Variants in CHRNB3 observed in about 807,000 individuals in gnomAD.
The protein encoded by CHRNB3 is cholinergic receptor nicotinic beta 3 subunit.
CHRNB3 carries 37 observed loss-of-function variants against 40.6 expected under a neutral mutation model. That is an observed-to-expected ratio of 0.91 (90% CI 0.70 to 1.20). The LOEUF (loss-of-function observed/expected upper bound fraction) is 1.20, where lower values mean the gene tolerates loss of function less well. Ranked by LOEUF, CHRNB3 falls within the 50% of genes most tolerant of loss-of-function variation. CHRNB3 has a pLI of 0.00. For missense variants in CHRNB3, 505 were observed against 551.2 expected (o/e 0.92, Z 0.84); for synonymous variants, 207 against 207.1 (o/e 1.00, Z 0.00).
intron 1 of CHRNB3, among the ~76,000 whole-genome samples, chr8:42,703,459 T>TATATATATATATATATATAC (rs1815862385): frequency 8.0e-6 from 1 of 125,500 alleles, no homozygotes; most frequent in Non-Finnish European, 1.8e-5. Flanking sequence ...TATATATATA[T>TATATATATATATATATATAC]ATGTATCCAC....
chr8:42,728,552 A>G (rs1242684647), intron 3 of CHRNB3, among the ~76,000 whole-genome samples: 2 of 152,100 alleles, frequency 1.3e-5, no homozygotes, highest in Non-Finnish European at 2.9e-5. Context: ...AAAACAAAAC[A>G]AAAAACAAAC....
intron 3 of CHRNB3, among the ~76,000 whole-genome samples, chr8:42,725,199 C>T: frequency 6.7e-6 from 1 of 150,030 alleles, no homozygotes. Flanking sequence ...TAGCAATTCT[C>T]CTGCCTCAGC....
intron 1 of CHRNB3, among the ~76,000 whole-genome samples, chr8:42,701,154 G>A (rs1204167301): frequency 6.7e-6 from 1 of 149,168 alleles, no homozygotes; most frequent in African/African-American, 2.4e-5. Context: ...CTTGAACCAG[G>A]GAGTCGGAGG....
In CHRNB3 at chr8:42,710,374, A is replaced by AT. The variant is rs749986594; in HGVS notation, c.205-12dup. 6.3e-7 allele frequency: 1 copy of AT among 1,583,724 alleles called. No individual in the cohort carries two copies. Reference sequence around the variant, plus strand: ...CACTTCAACTTACAGTATTTTTTAAATTTTCATTTTCTTAGGATGAAAAGA... The same window carrying AT: ...CACTTCAACTTACAGTATTTTTTAAATTTTTCATTTTCTTAGGATGAAAAGA... On this transcript the variant is annotated splice_polypyrimidine_tract_variant and intron_variant, in intron 2 of 5. Transcript: ENST00000289957.
intron 4 of CHRNB3, 83 bp downstream of exon 4, chr8:42,730,786 C>G: frequency 1.4e-6 from 1 of 728,364 alleles, no homozygotes; most frequent in Non-Finnish European, 2.1e-6. Context: ...CGGTGGCTCA[C>G]GCCTGTAATC....
At chr8:42,734,560 C>CGTGG (rs1816488001) in intron 5 of CHRNB3, among the ~76,000 whole-genome samples, 2 of 151,340 alleles carry the variant, frequency 1.3e-5, no homozygotes, top group Admixed American at 6.6e-5. Context: ...GCTGGGACTA[C>CGTGG]AGGCACCCGC....
intron 3 of CHRNB3, among the ~76,000 whole-genome samples, chr8:42,715,330 A>C (rs1032593805): frequency 1.3e-5 from 2 of 152,166 alleles, no homozygotes; most frequent in African/African-American, 4.8e-5. Flanking sequence ...AAAGGTGGGG[A>C]AGTTGTGAAC....
intron 1 of CHRNB3, among the ~76,000 whole-genome samples, chr8:42,697,920 G>C (rs879476975): frequency 5.3e-5 from 8 of 152,146 alleles, no homozygotes; most frequent in Admixed American, 4.6e-4. Flanking sequence ...TCAGAGAATT[G>C]TTCAAATATT....
chr8:42,716,906 C>T (rs1282723903), intron 3 of CHRNB3, among the ~76,000 whole-genome samples: 1 of 152,070 alleles, frequency 6.6e-6, no homozygotes, highest in East Asian at 1.9e-4. Flanking sequence ...GTTTGTTCTC[C>T]TCTCCCCATG....
chr8:42,720,865 G>T (rs965200862), intron 3 of CHRNB3, among the ~76,000 whole-genome samples: 1 of 152,256 alleles, frequency 6.6e-6, no homozygotes, highest in Non-Finnish European at 1.5e-5. Flanking sequence ...AGAAGTGCTA[G>T]AATTTTAGTC....
At chr8:42,728,819 G>C (rs1478901448) in intron 3 of CHRNB3, among the ~76,000 whole-genome samples, 1 of 152,132 alleles carries the variant, frequency 6.6e-6, no homozygotes, top group Non-Finnish European at 1.5e-5. Flanking sequence ...AAACCAAAGA[G>C]TGAATTTTAT....
chr8:42,705,969 C>A (rs1256915622), intron 1 of CHRNB3: 1 of 152,220 alleles, frequency 6.6e-6, no homozygotes, highest in Non-Finnish European at 1.5e-5. Context: ...GAAGACAATC[C>A]CCAACTTCCT....
chr8:42,733,246 G>A (rs889499890), intron 5 of CHRNB3, among the ~76,000 whole-genome samples: 3 of 151,894 alleles, frequency 2.0e-5, no homozygotes, highest in African/African-American at 4.8e-5. Context: ...AGGATGACTT[G>A]AGGCCAGAAT....
At chr8:42,736,448 T>A in intron 5 of CHRNB3, 36 bp from the exon 6 acceptor site, 3 of 1,612,188 alleles carry the variant, frequency 1.9e-6, no homozygotes, top group Non-Finnish European at 2.5e-6. Flanking sequence ...AGTTGCTCAG[T>A]GTCTTGAGTG....
chr8:42,712,079 G>A (rs973822121), intron 3 of CHRNB3, among the ~76,000 whole-genome samples: 2 of 151,834 alleles, frequency 1.3e-5, no homozygotes, highest in Non-Finnish European at 2.9e-5. Flanking sequence ...TGCAACCTCC[G>A]CCTCCCGGGT....
At chr8:42,713,346 G>A (rs1323385131) in intron 3 of CHRNB3, among the ~76,000 whole-genome samples, 2 of 152,024 alleles carry the variant, frequency 1.3e-5, no homozygotes, top group Non-Finnish European at 2.9e-5. Flanking sequence ...CCCACAAAGT[G>A]TGCCACCAGA....
intron 1 of CHRNB3, among the ~76,000 whole-genome samples, chr8:42,702,173 G>T (rs114643155): frequency 0.011 from 1,720 of 152,206 alleles, 38 homozygotes; most frequent in African/African-American, 0.04. Context: ...CCAAGTGCAC[G>T]CCATCCCTGT....
intron 3 of CHRNB3, among the ~76,000 whole-genome samples, chr8:42,712,415 C>A (rs1423052807): frequency 6.6e-6 from 1 of 152,158 alleles, no homozygotes; most frequent in Non-Finnish European, 1.5e-5. Flanking sequence ...GAGCTTCCCC[C>A]AGCTTCATTT....
chr8:42,714,439 C>T (rs1033896107), intron 3 of CHRNB3, among the ~76,000 whole-genome samples: 8 of 151,932 alleles, frequency 5.3e-5, no homozygotes, highest in African/African-American at 1.9e-4. Context: ...GAGCCGAGAT[C>T]GTGTTACTGC....
Sources: allele counts gnomAD v4.1 joint callset (sites outside exome capture counted in the v4.1 genomes callset), GRCh38; gene constraint gnomAD v4.1.1; transcripts MANE v1.5; gene names NCBI Gene and HGNC (gene_info 2026-07-23, HGNC 2026-07-21).